TAF8: variants seen among roughly 807,000 people sequenced by gnomAD.
TAF8 encodes transcription initiation factor TFIID subunit 8.
In TAF8, 47 loss-of-function variants were observed where a neutral mutation model predicts 36.5. The ratio of observed to expected loss-of-function variants is 1.29; its 90% CI spans 1.02 to 1.64. TAF8 has a LOEUF of 1.64. Ranked by LOEUF, TAF8 falls within the 40% of genes most tolerant of loss-of-function variation. The pLI, the probability that TAF8 is intolerant of heterozygous loss-of-function variation, is 0.00. For missense variants in TAF8, 420 were observed against 407.6 expected (o/e 1.03, Z -0.26); for synonymous variants, 175 against 159.5 (o/e 1.10, Z -0.73).
At position 42,050,571 on chromosome 6, in the gene TAF8, C is replaced by A. The variant is rs1250244217; in HGVS notation, c.30C>A (p.Ala10=). MADAAATAG[A]GGSGTRSGSK... is the part of the protein sequence containing the mutation. The stretch of plus-strand genomic sequence containing the variant: ...CCGACGCGGCGGCCACAGCTGGGGC[C>A]GGTGGCTCCGGAACGGTAAGGGCAG... The change falls in exon 1 of 9, where the codon GCC becomes GCA. Residue 10 remains alanine, a synonymous_variant. Coordinates refer to ENST00000372977, the MANE Select transcript of TAF8 (RefSeq NM_138572.3). 2 of 1,556,282 alleles carry A rather than the reference C, an allele frequency of 1.3e-6. No homozygotes were observed. Among genetic ancestry groups the A allele is most frequent in the African/African-American group, 1.4e-5 (1 of 73,632 alleles).
chr6:42,068,301 A>G (rs1399902229), intron 6 of TAF8, among the ~76,000 whole-genome samples, 164 bp from the exon 7 acceptor site: 1 of 152,212 alleles, frequency 6.6e-6, no homozygotes, highest in African/African-American at 2.4e-5. Flanking sequence ...TAACATGAGT[A>G]AAGCCCGTAG....
chr6:42,050,723 G>A, intron 1 of TAF8, 137 bp downstream of exon 1: 5 of 1,150,422 alleles, frequency 4.3e-6, no homozygotes, highest in Non-Finnish European at 6.0e-6. Context: ...TTTTCAGGCC[G>A]TAGGCGCCCC....
At chr6:42,065,454 A>T (rs1001928452) in intron 5 of TAF8, among the ~76,000 whole-genome samples, 4 of 152,258 alleles carry the variant, frequency 2.6e-5, no homozygotes, top group Admixed American at 2.6e-4. Context: ...TAGGAGGAAG[A>T]GTAGCAGCCT....
At position 42,077,252 on chromosome 6, in the gene TAF8, C is replaced by G. The variant is rs773049161; in HGVS notation, c.920+13C>G. On this transcript the variant is annotated intron_variant, in intron 8 of 8. Coordinates refer to ENST00000372977, the MANE Select transcript of TAF8 (RefSeq NM_138572.3). ...TCCGCAGGAAGAAGTGAGTTGGAGG[C>G]TGGGGTCCAGAGAGCCTTCACTGTC... 6.2e-7 allele frequency: 1 copy of G among 1,609,712 alleles called. No homozygotes were observed. The highest frequency in any genetic ancestry group is 8.5e-7 in the Non-Finnish European group (1 of 1,176,920).
chr6:42,064,879 C>A (rs1765304979), intron 5 of TAF8, among the ~76,000 whole-genome samples: 1 of 52,476 alleles, frequency 1.9e-5, no homozygotes, highest in Admixed American at 2.3e-4. Context: ...ATGGCATGCA[C>A]CCGGGGGGCG....
At chr6:42,055,371 A>T (rs1764940187) in intron 2 of TAF8, among the ~76,000 whole-genome samples, 160 bp from the exon 3 acceptor site, 1 of 152,204 alleles carries the variant, frequency 6.6e-6, no homozygotes, top group Non-Finnish European at 1.5e-5. Flanking sequence ...GCTGTGAATC[A>T]TGCTGCTGTG....
chr6:42,057,722 C>G (rs1224921471), intron 5 of TAF8: 1 of 571,508 alleles, frequency 1.7e-6, no homozygotes, highest in African/African-American at 1.9e-5. Flanking sequence ...GAGTTCAAGA[C>G]CAGCCTGGGC....
In TAF8 at chr6:42,080,683, G is replaced by C; in HGVS notation, c.*3138G>C. ...TGAGCCACCGCGCCTGGCCTCAGAG[G>C]CTATACTCTTATAATTTTGTTCTGA... On this transcript the variant is annotated 3_prime_UTR_variant, in exon 9 of 9. Transcript: ENST00000372977. 1 of 985,062 alleles carries C rather than the reference G, an allele frequency of 1.0e-6. No individual in the cohort carries two copies. The highest frequency in any genetic ancestry group is 1.2e-6 in the Non-Finnish European group (1 of 829,728). 61.0% of individuals were successfully genotyped at this position (985,062 alleles called of 1,614,324 possible).
At chr6:42,071,138 A>G (rs1432053806) in intron 7 of TAF8, among the ~76,000 whole-genome samples, 1 of 152,034 alleles carries the variant, frequency 6.6e-6, no homozygotes, top group African/African-American at 2.4e-5. Context: ...GCCATATTCA[A>G]CCATCCTTTA....
rs532174352 is a variant in TAF8, at chr6:42,081,786, G to C, written c.*4241G>C. 6.6e-6 allele frequency: 1 copy of C among 152,200 alleles called. No individual in the cohort carries two copies. The highest frequency in any genetic ancestry group is 2.1e-4 in the South Asian group (1 of 4,822). 9.4% of individuals were successfully genotyped at this position (152,200 alleles called of 1,614,324 possible). A position where few individuals can be genotyped will look rare whatever the true frequency, so the allele number is the denominator to read the frequency against. Reference sequence around the variant, plus strand: ...CTCCTAAAGTGCTGAGGTTACAGGCGTGAGCCCCCGCGCCTGGCTCTTCTG... The same window carrying C: ...CTCCTAAAGTGCTGAGGTTACAGGCCTGAGCCCCCGCGCCTGGCTCTTCTG... On this transcript the variant is annotated 3_prime_UTR_variant, in exon 9 of 9. Coordinates refer to ENST00000372977, the MANE Select transcript of TAF8 (RefSeq NM_138572.3).
chr6:42,060,119 C>T (rs772771507), intron 5 of TAF8, among the ~76,000 whole-genome samples: 1 of 152,092 alleles, frequency 6.6e-6, no homozygotes, highest in Non-Finnish European at 1.5e-5. Context: ...AGGTAAATAA[C>T]GAGTCCTAGG....
intron 1 of TAF8, 24 bp downstream of exon 1, chr6:42,050,610 G>A: frequency 6.5e-7 from 1 of 1,540,664 alleles, no homozygotes. Flanking sequence ...GCGCGGGCTC[G>A]GAGCCGAGAG....
Position 42,080,401 on chromosome 6 carries a change from TC to T in TAF8, c.*2857del. On this transcript the variant is annotated 3_prime_UTR_variant, in exon 9 of 9. Transcript: ENST00000372977. Reference sequence around the variant, plus strand: ...TTTTTTTTTTTTTTGAGACGGCATCTCACTCTTATCGCCCAGGCTGGAGTGC... The same window carrying T: ...TTTTTTTTTTTTTTGAGACGGCATCTACTCTTATCGCCCAGGCTGGAGTGC... The T allele has an allele frequency of 1.0e-6, 1 of 964,574 alleles. No individual in the cohort carries two copies. Among genetic ancestry groups the T allele is most frequent in the Non-Finnish European group, 1.2e-6 (1 of 812,086 alleles). 59.8% of individuals were successfully genotyped at this position (964,574 alleles called of 1,614,324 possible).
Position 42,078,847 on chromosome 6 carries a change from C to T in TAF8, c.*1302C>T, listed in dbSNP as rs1765839352. ...TAAACAGTAGGAAAGAGGGGCTACG[C>T]GCAGTGGCTCACGCCTGTAATCCCA... On this transcript the variant is annotated 3_prime_UTR_variant, in exon 9 of 9. Transcript: ENST00000372977. 3 of 985,446 alleles carry T rather than the reference C, an allele frequency of 3.0e-6. No homozygotes were observed. The highest frequency in any genetic ancestry group is 3.6e-6 in the Non-Finnish European group (3 of 829,960). The allele number at this position is 985,446 out of a possible 1,614,324, so 61.0% of individuals were successfully genotyped here.
chr6:42,050,815 C>A, intron 1 of TAF8: 1 of 946,754 alleles, frequency 1.1e-6, no homozygotes, highest in Non-Finnish European at 1.4e-6. Flanking sequence ...GTTGGGAGCC[C>A]GGAACACCCC....
At chr6:42,067,749 G>C (rs1407318903) in intron 6 of TAF8, among the ~76,000 whole-genome samples, 2 of 151,748 alleles carry the variant, frequency 1.3e-5, no homozygotes, top group Admixed American at 1.3e-4. Context: ...ATTTTTCCTA[G>C]AGACGGGATT....
intron 6 of TAF8, among the ~76,000 whole-genome samples, chr6:42,067,404 G>A (rs758254002): frequency 1.8e-4 from 27 of 151,724 alleles, no homozygotes; most frequent in Admixed American, 4.6e-4. Context: ...TAGTAGAGAC[G>A]GGGTTTCACC....
At chr6:42,062,529 C>CTTTTTTTTTTTT (rs1174119617) in intron 5 of TAF8, among the ~76,000 whole-genome samples, 3 of 78,730 alleles carry the variant, frequency 3.8e-5, no homozygotes, top group Non-Finnish European at 4.5e-5. Context: ...TTAAGACAAT[C>CTTTTTTTTTTTT]TTTTTTTTTT....
chr6:42,056,993 A>G (rs946641956), intron 4 of TAF8, among the ~76,000 whole-genome samples: 3 of 152,092 alleles, frequency 2.0e-5, no homozygotes, highest in East Asian at 1.9e-4. Context: ...GCCATTTTCA[A>G]TCCCCTCTTG....
Sources: allele counts gnomAD v4.1 joint callset (sites outside exome capture counted in the v4.1 genomes callset), GRCh38; gene constraint gnomAD v4.1.1; transcripts MANE v1.5; gene names NCBI Gene and HGNC (gene_info 2026-07-23, HGNC 2026-07-21).